Variants in THSD7A observed in about 807,000 individuals in gnomAD.
THSD7A encodes thrombospondin type 1 domain containing 7A.
In THSD7A, 96 loss-of-function variants were observed where a neutral mutation model predicts 231.3. The ratio of observed to expected loss-of-function variants is 0.41; its 90% CI spans 0.35 to 0.49. The LOEUF is 0.49. THSD7A is among the 20% of genes least tolerant of loss of function. THSD7A has a pLI of 0.05. For synonymous variants in THSD7A, 940 were observed against 743.3 expected (o/e 1.26, Z -4.30); for missense variants, 2,290 against 2,070.2 (o/e 1.11, Z -2.06).
chr7:11,582,485 T>G (rs1329752734), intron 4 of THSD7A, among the ~76,000 whole-genome samples: 1 of 152,114 alleles, frequency 6.6e-6, no homozygotes, highest in Non-Finnish European at 1.5e-5. Flanking sequence ...GCTTCATACA[T>G]ATCTCTGCTT....
intron 6 of THSD7A, among the ~76,000 whole-genome samples, chr7:11,521,844 C>T (rs1385592080): frequency 6.6e-6 from 1 of 151,844 alleles, no homozygotes; most frequent in Non-Finnish European, 1.5e-5. Flanking sequence ...TCTGATAGTG[C>T]CTTCAATACA....
At chr7:11,556,658 C>T (rs1371591256) in intron 4 of THSD7A, among the ~76,000 whole-genome samples, 2 of 151,838 alleles carry the variant, frequency 1.3e-5, no homozygotes, top group Admixed American at 1.3e-4. Flanking sequence ...GGTAAGTCTA[C>T]TGGTAACAAC....
rs1432542243 is a variant in THSD7A at position 11,726,640 on chromosome 7, TC to T, written c.191-89680del. 2.0e-5 allele frequency among the ~76,000 whole-genome samples: 3 copies of T among 151,900 alleles called. 1 individual carries two copies. Among genetic ancestry groups the T allele is most frequent in the Non-Finnish European group, 1.5e-5 (1 of 67,948 alleles). On this transcript the variant is annotated intron_variant, in intron 1 of 27. Coordinates refer to ENST00000423059, the MANE Select transcript of THSD7A (RefSeq NM_015204.3). ...GCTGATATTCTAAATGGATTGTGAC[TC>T]CCCCGTGGAATACCTGAATCAAGGA... is the stretch of plus-strand genomic sequence containing the variant.
intron 1 of THSD7A, among the ~76,000 whole-genome samples, chr7:11,822,540 T>C (rs893505970): frequency 1.3e-5 from 2 of 151,966 alleles, no homozygotes; most frequent in Non-Finnish European, 2.9e-5. Context: ...ATATATTGAC[T>C]TTTTTTTCCT....
chr7:11,669,958 T>A (rs1405419611), intron 1 of THSD7A, among the ~76,000 whole-genome samples: 3 of 135,338 alleles, frequency 2.2e-5, no homozygotes, highest in Non-Finnish European at 3.2e-5. Context: ...CAAGTTTAAG[T>A]ACTGTTGCAT....
At chr7:11,512,748 G>A (rs1787864642) in intron 6 of THSD7A, among the ~76,000 whole-genome samples, 2 of 129,666 alleles carry the variant, frequency 1.5e-5, no homozygotes, top group Admixed American at 1.6e-4. Flanking sequence ...TGGTCACAGG[G>A]TGGGGAACAT....
chr7:11,721,564 C>T (rs955553360), intron 1 of THSD7A, among the ~76,000 whole-genome samples: 6 of 151,736 alleles, frequency 4.0e-5, no homozygotes, highest in Admixed American at 2.0e-4. Flanking sequence ...TACCTAGTCT[C>T]AGGTAGTTCT....
intron 6 of THSD7A, among the ~76,000 whole-genome samples, chr7:11,510,407 C>T (rs1787755408): frequency 1.3e-5 from 2 of 152,164 alleles, no homozygotes; most frequent in African/African-American, 4.8e-5. Context: ...ACAGGGAATC[C>T]TCCCTAACTC....
chr7:11,636,100 C>T lies in THSD7A; in HGVS notation c.1022+30G>A. On this transcript the variant is annotated intron_variant, in intron 2 of 27. Transcript: ENST00000423059. This position sits in a 1 kb window ranked among gnomAD's most constrained non-coding sequence, Gnocchi z 10.0. ...TACTCATGATTCTTGACAGACAAGCCTGTGTAGTTAACAGTAATTAAAATG... is the reference window on the plus strand; with the variant it reads ...TACTCATGATTCTTGACAGACAAGCTTGTGTAGTTAACAGTAATTAAAATG... The T allele has an allele frequency of 1.3e-6, 2 of 1,568,786 alleles. No homozygotes were observed. Among genetic ancestry groups the T allele is most frequent in the Non-Finnish European group, 1.7e-6 (2 of 1,151,476 alleles).
At chr7:11,679,988 C>A (rs1281245473) in intron 1 of THSD7A, among the ~76,000 whole-genome samples, 1 of 150,710 alleles carries the variant, frequency 6.6e-6, no homozygotes, top group Non-Finnish European at 1.5e-5. Flanking sequence ...GTACTGGTAC[C>A]AAAACAGATA....
intron 3 of THSD7A, 46 bp downstream of exon 3, chr7:11,593,208 G>A (rs779706476): frequency 6.3e-7 from 1 of 1,597,184 alleles, no homozygotes; most frequent in Admixed American, 1.7e-5. Context: ...AAATAGCTGA[G>A]CAAATGTAGT....
intron 11 of THSD7A, among the ~76,000 whole-genome samples, chr7:11,457,145 C>T (rs1290500984): frequency 6.6e-6 from 1 of 151,952 alleles, no homozygotes; most frequent in African/African-American, 2.4e-5. Context: ...ATAACTTCAG[C>T]AATTCACTCT....
intron 2 of THSD7A, among the ~76,000 whole-genome samples, chr7:11,625,007 G>A (rs76267251): frequency 8.8e-4 from 133 of 151,998 alleles, no homozygotes; most frequent in African/African-American, 2.7e-3. Context: ...TCAGTATATC[G>A]TATATTGTAT....
At chr7:11,650,991 T>C (rs1453970428) in intron 1 of THSD7A, among the ~76,000 whole-genome samples, 2 of 151,980 alleles carry the variant, frequency 1.3e-5, no homozygotes, top group Non-Finnish European at 2.9e-5. Context: ...GGTGCTGTGA[T>C]AGGCAAGCAA....
chr7:11,739,445 A>G (rs1166413126), intron 1 of THSD7A, among the ~76,000 whole-genome samples: 3 of 152,040 alleles, frequency 2.0e-5, no homozygotes, highest in African/African-American at 4.8e-5. Flanking sequence ...TAAAATATGC[A>G]TGTAATATAG....
At chr7:11,786,999 G>C (rs1239237584) in intron 1 of THSD7A, among the ~76,000 whole-genome samples, 1 of 151,972 alleles carries the variant, frequency 6.6e-6, no homozygotes, top group South Asian at 2.1e-4. Flanking sequence ...TTTTAAATTA[G>C]TTACCAACAT....
chr7:11,491,921 A>G (rs1357048602), intron 6 of THSD7A, among the ~76,000 whole-genome samples: 1 of 151,496 alleles, frequency 6.6e-6, no homozygotes, highest in Non-Finnish European at 1.5e-5. Flanking sequence ...CTTTCTTTCT[A>G]TTCTTAAGTC....
At chr7:11,759,815 A>G (rs967393139) in intron 1 of THSD7A, among the ~76,000 whole-genome samples, 11 of 152,086 alleles carry the variant, frequency 7.2e-5, no homozygotes, top group African/African-American at 2.7e-4. Flanking sequence ...GACATTTCAA[A>G]TATCAACAAA....
intron 9 of THSD7A, 106 bp from the exon 10 acceptor site, chr7:11,462,249 G>T: frequency 7.8e-7 from 1 of 1,284,882 alleles, no homozygotes; most frequent in Non-Finnish European, 1.1e-6. Flanking sequence ...CATGTGCTTT[G>T]ACATCCCTGA....
Sources: allele counts gnomAD v4.1 joint callset (sites outside exome capture counted in the v4.1 genomes callset), GRCh38; gene constraint gnomAD v4.1.1; non-coding constraint Gnocchi (gnomAD v3.1); transcripts MANE v1.5; gene names NCBI Gene and HGNC (gene_info 2026-07-23, HGNC 2026-07-21).